Variants in FGF13 observed in about 807,000 individuals in gnomAD.
FGF13 encodes fibroblast growth factor homologous factor 2.
In FGF13, 2 loss-of-function variants were observed where a neutral mutation model predicts 19.5. The observed-to-expected ratio is 0.10, with a 90% confidence interval of 0.04 to 0.32. The LOEUF (loss-of-function observed/expected upper bound fraction) is 0.32, where lower values mean the gene tolerates loss of function less well. Ranked by LOEUF, FGF13 falls within the 10% of genes least tolerant of loss-of-function variation. FGF13 has a pLI of 1.00. For synonymous variants in FGF13, 72 were observed against 76.9 expected (o/e 0.94, Z 0.33); for missense variants, 113 against 192.7 (o/e 0.59, Z 2.45).
intron 3 of FGF13, among the ~76,000 whole-genome samples, chrX:138,801,274 C>A (rs763475749): frequency 2.5e-4 from 28 of 111,831 alleles, no homozygotes; most frequent in Non-Finnish European, 4.9e-4. Context: ...TTTGTGTGGG[C>A]GTCCTTTTTG....
At chrX:138,869,846 T>C (rs981785185) in intron 1 of FGF13, among the ~76,000 whole-genome samples, 1 of 111,843 alleles carries the variant, frequency 8.9e-6, no homozygotes, top group Admixed American at 9.5e-5. Flanking sequence ...ATTCAGTAAA[T>C]AGCGCTGGTG....
At chrX:138,915,127 C>G (rs142187470) in intron 1 of FGF13, among the ~76,000 whole-genome samples, 2 of 111,514 alleles carry the variant, frequency 1.8e-5, no homozygotes, top group East Asian at 5.7e-4. Flanking sequence ...ATGTTCTGCA[C>G]AATTCCTAGG....
chrX:138,640,283 A>G (rs2089235040), intron 3 of FGF13, among the ~76,000 whole-genome samples: 1 of 112,071 alleles, frequency 8.9e-6, no homozygotes, highest in Non-Finnish European at 1.9e-5. Context: ...GGGCATATTA[A>G]GACCTCCACA....
chrX:139,090,253 A>C (rs754906215), intron 1 of FGF13, among the ~76,000 whole-genome samples: 2 of 111,763 alleles, frequency 1.8e-5, no homozygotes, highest in Non-Finnish European at 3.8e-5. Flanking sequence ...ATTCCCATAG[A>C]TCAAGAACCT....
upstream of FGF13, chrX:138,711,750 C>T (rs2090054184): frequency 1.4e-6 from 1 of 706,237 alleles, no homozygotes; most frequent in African/African-American, 2.4e-5. Flanking sequence ...GCGACGGCCC[C>T]TCCCTCCCGG....
At chrX:138,726,280 C>G (rs2090185240) in intron 1 of FGF13, among the ~76,000 whole-genome samples, 1 of 111,369 alleles carries the variant, frequency 9.0e-6, no homozygotes, top group African/African-American at 3.3e-5. Context: ...CAGAAGAGGA[C>G]TATATGGCAG....
At chrX:138,981,058 T>C (rs1337822787) in intron 1 of FGF13, among the ~76,000 whole-genome samples, 3 of 110,932 alleles carry the variant, frequency 2.7e-5, no homozygotes, top group Non-Finnish European at 5.7e-5. Flanking sequence ...AACTGTCAAG[T>C]TTTGTTTATT....
intron 1 of FGF13, among the ~76,000 whole-genome samples, chrX:139,037,279 C>T (rs1241029307): frequency 9.0e-6 from 1 of 111,432 alleles, no homozygotes; most frequent in Non-Finnish European, 1.9e-5. Context: ...CTCACTTTCT[C>T]TCTCCATATA....
intron 1 of FGF13, among the ~76,000 whole-genome samples, chrX:139,001,901 G>T (rs753286065): frequency 8.9e-6 from 1 of 111,849 alleles, no homozygotes; most frequent in Non-Finnish European, 1.9e-5. Context: ...TATGTTTATT[G>T]CAGCACTGTT....
At chrX:138,842,067 C>T (rs1044427966) in intron 3 of FGF13, among the ~76,000 whole-genome samples, 1 of 112,398 alleles carries the variant, frequency 8.9e-6, no homozygotes, top group African/African-American at 3.2e-5. Context: ...AATACCTTCA[C>T]CTCTGCTCAT....
At chrX:138,741,315 G>C (rs2090316575), upstream of FGF13, among the ~76,000 whole-genome samples, 2 of 111,881 alleles carry the variant, frequency 1.8e-5, no homozygotes, top group African/African-American at 6.5e-5. Flanking sequence ...GGCTGCACTG[G>C]TCAGTGTAGT....
chrX:139,059,415 T>C (rs1281131641), intron 1 of FGF13, among the ~76,000 whole-genome samples: 3 of 108,441 alleles, frequency 2.8e-5, no homozygotes, highest in Non-Finnish European at 3.8e-5. Flanking sequence ...AAGTGAAGAA[T>C]GTTCTTAAAA....
intron 3 of FGF13, among the ~76,000 whole-genome samples, chrX:138,841,520 T>A (rs1188907524): frequency 9.0e-6 from 1 of 110,567 alleles, no homozygotes; most frequent in Non-Finnish European, 1.9e-5. Flanking sequence ...TTTAAAAATT[T>A]TTTTTATTTA....
chrX:139,176,904 G>A (rs1023854660), intron 1 of FGF13, among the ~76,000 whole-genome samples: 9 of 111,793 alleles, frequency 8.1e-5, no homozygotes, highest in African/African-American at 1.6e-4. Flanking sequence ...GGGGTGGAGA[G>A]TTCTGTAGAT....
At chrX:138,889,245 A>T (rs182031049) in intron 1 of FGF13, among the ~76,000 whole-genome samples, 1 of 111,901 alleles carries the variant, frequency 8.9e-6, no homozygotes, top group East Asian at 2.8e-4. Flanking sequence ...TAGTAACACA[A>T]AGCATTTCTT....
intron 3 of FGF13, among the ~76,000 whole-genome samples, chrX:138,808,750 T>A (rs1275930864): frequency 8.1e-5 from 9 of 111,312 alleles, no homozygotes; most frequent in Admixed American, 2.9e-4. Context: ...CAATAAAAAA[T>A]GATAAAGGGG....
chrX:138,758,955 AC>A (rs2090448808), intron 3 of FGF13, among the ~76,000 whole-genome samples: 1 of 112,286 alleles, frequency 8.9e-6, no homozygotes, highest in African/African-American at 3.2e-5. Context: ...AAAAGTGCTC[AC>A]ATTCCAGGTT....
chrX:138,690,636 T>C (rs1470947459), intron 3 of FGF13, among the ~76,000 whole-genome samples: 1 of 111,240 alleles, frequency 9.0e-6, no homozygotes, highest in Non-Finnish European at 1.9e-5. Flanking sequence ...CCTCATGGCA[T>C]AGAAGCATGA....
At chrX:138,994,948 C>T (rs1165329397) in intron 1 of FGF13, among the ~76,000 whole-genome samples, 2 of 105,485 alleles carry the variant, frequency 1.9e-5, no homozygotes, top group Admixed American at 2.1e-4. Flanking sequence ...CTTGTCCCAC[C>T]CCAACTCAAG....
Sources: gnomAD v4.1 joint callset for allele counts (sites outside exome capture counted in the v4.1 genomes callset) on GRCh38, gnomAD v4.1.1 for gene constraint, MANE v1.5 for transcripts, NCBI Gene and HGNC (gene_info 2026-07-23, HGNC 2026-07-21) for gene names.